KNDC1: variants seen among roughly 807,000 people sequenced by gnomAD.
KNDC1 encodes the protein kinase non-catalytic C-lobe domain-containing protein 1.
In KNDC1, 106 loss-of-function variants were observed where a neutral mutation model predicts 172.8. The observed-to-expected ratio is 0.61, with a 90% CI of 0.52 to 0.72. The LOEUF is 0.72. Ranked by LOEUF, KNDC1 falls within the 30% of genes least tolerant of loss-of-function variation. KNDC1 has a pLI of 0.00. For synonymous variants in KNDC1, 1,083 were observed against 1,062.2 expected (o/e 1.02, Z -0.38); for missense variants, 2,325 against 2,394.5 (o/e 0.97, Z 0.61).
chr10:133,222,249 C>T (rs1391607321), intron 29 of KNDC1, among the ~76,000 whole-genome samples: 1 of 147,784 alleles, frequency 6.8e-6, no homozygotes, highest in Non-Finnish European at 1.5e-5. Context: ...CGCCACCGCA[C>T]TCCAGCCTGG....
chr10:133,202,131 C>T (rs530833832), intron 17 of KNDC1: 1 of 703,970 alleles, frequency 1.4e-6, no homozygotes, highest in African/African-American at 1.7e-5. Flanking sequence ...GGCTCCACGT[C>T]TGAGGACAGG....
intron 9 of KNDC1, among the ~76,000 whole-genome samples, chr10:133,194,645 A>C (rs1171988415): frequency 6.6e-6 from 1 of 152,092 alleles, no homozygotes; most frequent in Admixed American, 6.6e-5. Context: ...CTGTGCCTGG[A>C]TGGGGGAGAC....
intron 3 of KNDC1, among the ~76,000 whole-genome samples, chr10:133,175,006 A>G (rs1460249149): frequency 4.1e-3 from 393 of 95,604 alleles, no homozygotes; most frequent in Middle Eastern, 8.9e-3. Flanking sequence ...TGGATATGTG[A>G]ATGGATGGGT....
intron 5 of KNDC1, among the ~76,000 whole-genome samples, 161 bp from the exon 6 acceptor site, chr10:133,185,813 G>A (rs1308281133): frequency 7.5e-6 from 1 of 132,972 alleles, no homozygotes; most frequent in East Asian, 2.3e-4. Flanking sequence ...GCCTGGGTTG[G>A]GGTCTGTGAT....
rs375305124 is a variant in KNDC1 at position 133,186,025 on chromosome 10, C to T, written c.677C>T (p.Pro226Leu). ...AGACCTGCCCCAGGAAACGCTGGGC[C>T]CAGGAGGCCGCCCGGGGACCCCAGC... is the stretch of plus-strand genomic sequence containing the variant. ...RERPAPGNAG[P>L]RRPPGDPSTD... The change falls in exon 6 of 30, where the codon CCC becomes CTC. Residue 226 changes from proline to leucine, a missense_variant. Transcript: ENST00000304613. 3.1e-6 allele frequency: 5 copies of T among 1,588,782 alleles called. No individual in the cohort carries two copies. The African/African-American group carries it at 6.7e-5, about 21-fold the overall frequency.
rs1853905586 is a variant in KNDC1, at chr10:133,186,143, C to T, written c.795C>T (p.Thr265=). The T allele has an allele frequency of 6.3e-7, 1 of 1,591,270 alleles. No homozygotes were observed. Among genetic ancestry groups the T allele is most frequent in the Admixed American group, 1.7e-5 (1 of 57,290 alleles). Residue 265 remains threonine, a synonymous_variant, in exon 6 of 30, where the codon ACC becomes ACT. Transcript: ENST00000304613. ...RASPTKALLS[T]PVRNGESHSR... is the part of the protein sequence containing the mutation. ...CCCCAACCAAGGCTCTGCTGTCCACCCCGGTGAGAAATGGCGAGAGCCACA... is the reference window on the plus strand; with the variant it reads ...CCCCAACCAAGGCTCTGCTGTCCACTCCGGTGAGAAATGGCGAGAGCCACA...
intron 3 of KNDC1, among the ~76,000 whole-genome samples, chr10:133,177,308 G>T (rs1853565849): frequency 6.6e-6 from 1 of 152,130 alleles, no homozygotes; most frequent in South Asian, 2.1e-4. Context: ...TATGTAGTGT[G>T]TACATGTATG....
chr10:133,198,224 G>A (rs1053754007), intron 12 of KNDC1, 113 bp from the exon 13 acceptor site: 56 of 1,258,834 alleles, frequency 4.4e-5, no homozygotes, highest in Non-Finnish European at 5.8e-5. Context: ...CATGCGGGAG[G>A]GGACGCGGCA....
chr10:133,198,652 T>G lies in KNDC1; in HGVS notation c.2144T>G (p.Leu715Arg). The change falls in exon 14 of 30, where the codon CTC (leucine) becomes CGC (arginine). Residue 715 changes from leucine (L) to arginine (R), a missense_variant. Transcript: ENST00000304613. ...GQREGEGEEK[L>R]SLEAHAGSPS... is the part of the protein sequence containing the mutation. The stretch of plus-strand genomic sequence containing the variant: ...AGGGAGGGAGAAGGTGAGGAGAAGC[T>G]CTCCCTGGAGGCCCACGCTGGGTCC... 2 of 1,603,618 alleles carry G rather than the reference T, an allele frequency of 1.2e-6. No individual in the cohort carries two copies. Among genetic ancestry groups the G allele is most frequent in the African/African-American group, 2.7e-5 (2 of 74,876 alleles).
chr10:133,224,520 C>A lies in KNDC1; in HGVS notation c.5019-139C>A. On this transcript the variant is annotated intron_variant, in intron 29 of 29. Coordinates refer to ENST00000304613, the MANE Select transcript of KNDC1 (RefSeq NM_152643.8). This position sits in a 1 kb window ranked among gnomAD's most constrained non-coding sequence, Gnocchi z 5.4. Reference sequence around the variant, plus strand: ...GACCTTTCCACCTCGCCAATAAATACAGACAACCCACCCTTCAGAATTTAC... The same window carrying A: ...GACCTTTCCACCTCGCCAATAAATAAAGACAACCCACCCTTCAGAATTTAC... 1.5e-6 allele frequency: 1 copy of A among 651,488 alleles called. No homozygotes were observed. Among genetic ancestry groups the A allele is most frequent in the Non-Finnish European group, 2.7e-6 (1 of 369,990 alleles). 40.4% of individuals were successfully genotyped at this position (651,488 alleles called of 1,614,324 possible).
rs1373462733 is a variant in KNDC1 at position 133,168,403 on chromosome 10, G to A, written c.360+91G>A. The A allele has an allele frequency of 3.5e-5, 47 of 1,335,912 alleles. 1 individual carries two copies. The highest frequency in any genetic ancestry group is 2.5e-4 in the South Asian group (21 of 84,814). 82.8% of individuals were successfully genotyped at this position (1,335,912 alleles called of 1,614,324 possible). ...CTCAGAAATGCACCTGCCTTGGGGC[G>A]ACCTCTGCAAGTGGCCTCTGGCCGG... On this transcript the variant is annotated intron_variant, in intron 3 of 29. Coordinates refer to ENST00000304613, the MANE Select transcript of KNDC1 (RefSeq NM_152643.8).
intron 12 of KNDC1, among the ~76,000 whole-genome samples, 183 bp downstream of exon 12, chr10:133,197,951 A>G (rs1042475583): frequency 4.0e-5 from 6 of 151,712 alleles, no homozygotes; most frequent in Non-Finnish European, 5.9e-5. Context: ...CCATCTCCCA[A>G]AACTCCCAGT....
intron 3 of KNDC1, among the ~76,000 whole-genome samples, chr10:133,182,674 A>G (rs1285324103): frequency 6.6e-6 from 1 of 152,076 alleles, no homozygotes; most frequent in Non-Finnish European, 1.5e-5. Flanking sequence ...AAAAAGAAAA[A>G]CCCATCTTTC....
chr10:133,225,119 G>A lies in KNDC1; in HGVS notation c.*229G>A, dbSNP rs572297203. ...GGGCACAAGAGTCTTGGAGGTTTGCGTGTTTCTGCTAGAATTAAAAAGTTA... is the reference window on the plus strand; with the variant it reads ...GGGCACAAGAGTCTTGGAGGTTTGCATGTTTCTGCTAGAATTAAAAAGTTA... On this transcript the variant is annotated 3_prime_UTR_variant, in exon 30 of 30. Coordinates refer to ENST00000304613, the MANE Select transcript of KNDC1 (RefSeq NM_152643.8). 239 of 551,100 alleles carry A rather than the reference G, an allele frequency of 4.3e-4. 4 individuals are homozygous for A. The South Asian group carries it at 4.5e-3, about 10-fold the overall frequency. 34.1% of individuals were successfully genotyped at this position (551,100 alleles called of 1,614,324 possible).
At position 133,198,378 on chromosome 10, in the gene KNDC1, C is replaced by T. The variant is rs1291087592; in HGVS notation, c.1948C>T (p.Pro650Ser). ...CAGCGACACCGGGCTTGTGGCTGTG[C>T]CAGGGCCCGTGCCCGGCCAGCACCC... is the stretch of plus-strand genomic sequence containing the variant. ...VNSDTGLVAV[P>S]GPVPGQHPCG... The change falls in exon 13 of 30, where the codon CCA becomes TCA. Residue 650 changes from proline (P) to serine (S), a missense_variant. By Grantham distance (74) the Pro-to-Ser change is moderately conservative. Coordinates refer to ENST00000304613, the MANE Select transcript of KNDC1 (RefSeq NM_152643.8). 6.3e-7 allele frequency: 1 copy of T among 1,596,822 alleles called. No individual in the cohort carries two copies.
intron 12 of KNDC1, 124 bp from the exon 13 acceptor site, chr10:133,198,213 C>A: frequency 8.6e-7 from 1 of 1,161,666 alleles, no homozygotes; most frequent in East Asian, 2.6e-5. Flanking sequence ...GCCCCCAGGG[C>A]CATGCGGGAG....
At chr10:133,168,703 A>G (rs1227468333) in intron 3 of KNDC1, among the ~76,000 whole-genome samples, 1 of 152,244 alleles carries the variant, frequency 6.6e-6, no homozygotes, top group Non-Finnish European at 1.5e-5. Context: ...ATCGGCAGGG[A>G]ATCACAGCTC....
At chr10:133,198,273 C>T (rs994316400) in intron 12 of KNDC1, 64 bp from the exon 13 acceptor site, 52 of 1,466,480 alleles carry the variant, frequency 3.5e-5, no homozygotes, top group Middle Eastern at 2.1e-4. Context: ...TGGGATGAGC[C>T]GGTGGTGCGG....
In KNDC1 at chr10:133,186,517, C is replaced by G. The variant is rs777098922; in HGVS notation, c.1169C>G (p.Pro390Arg). ...GRSTDRGPGVPGSPGQPETSH... is the reference protein window; with the variant it reads ...GRSTDRGPGVRGSPGQPETSH... Reference sequence around the variant, plus strand: ...AGCACGGACAGGGGCCCTGGGGTGCCCGGCAGTCCAGGACAGCCCGAGACT... The same window carrying G: ...AGCACGGACAGGGGCCCTGGGGTGCGCGGCAGTCCAGGACAGCCCGAGACT... The change falls in exon 6 of 30, where the codon CCC (proline) becomes CGC (arginine). Residue 390 changes from proline to arginine, a missense_variant. Physicochemically the swap from Pro to Arg is moderately radical, Grantham distance 103. Coordinates refer to ENST00000304613, the MANE Select transcript of KNDC1 (RefSeq NM_152643.8). 6.2e-7 allele frequency: 1 copy of G among 1,612,136 alleles called. No individual in the cohort carries two copies. The highest frequency in any genetic ancestry group is 1.3e-5 in the African/African-American group (1 of 74,890).
Sources: allele counts gnomAD v4.1 joint callset (sites outside exome capture counted in the v4.1 genomes callset), GRCh38; gene constraint gnomAD v4.1.1; non-coding constraint Gnocchi (gnomAD v3.1); transcripts MANE v1.5; gene names NCBI Gene and HGNC (gene_info 2026-07-23, HGNC 2026-07-21).